CYFIP2: variants seen among roughly 807,000 people sequenced by gnomAD.
CYFIP2 encodes the protein cytoplasmic FMR1-interacting protein 2.
A neutral mutation model predicts 158.7 loss-of-function variants in CYFIP2; 29 were observed. The ratio of observed to expected loss-of-function variants is 0.18; its 90% confidence interval spans 0.14 to 0.25. The LOEUF is 0.25. Among genes scored for constraint, CYFIP2 ranks in the 10% least tolerant of loss-of-function variants. The pLI, the probability that CYFIP2 is intolerant of heterozygous loss-of-function variation, is 1.00. For synonymous variants in CYFIP2, 585 were observed against 617.6 expected (o/e 0.95, Z 0.78); for missense variants, 852 against 1,639.5 (o/e 0.52, Z 8.29).
At chr5:157,389,052 G>C in intron 28 of CYFIP2, 137 bp from the exon 29 acceptor site, 1 of 706,068 alleles carries the variant, frequency 1.4e-6, no homozygotes. Flanking sequence ...TCAATTTTGT[G>C]CCCTGCTCTG....
chr5:157,284,848 G>A (rs946102473), intron 1 of CYFIP2, among the ~76,000 whole-genome samples: 4 of 152,126 alleles, frequency 2.6e-5, no homozygotes, highest in Non-Finnish European at 5.9e-5. Context: ...CTAAAAACCC[G>A]GGCTCTGGTT....
intron 13 of CYFIP2, among the ~76,000 whole-genome samples, chr5:157,316,120 AT>A (rs1266460704): frequency 6.6e-6 from 1 of 152,146 alleles, no homozygotes; most frequent in Non-Finnish European, 1.5e-5. Context: ...AAGTAAAAAA[AT>A]ATACCTACAT....
In CYFIP2 at chr5:157,314,955, C is replaced by T. The variant is rs1005320650; in HGVS notation, c.1231-14C>T. 6.4e-6 allele frequency: 10 copies of T among 1,555,208 alleles called. No homozygotes were observed. The highest frequency in any genetic ancestry group is 7.8e-6 in the Non-Finnish European group (9 of 1,148,316). On this transcript the variant is annotated splice_polypyrimidine_tract_variant and intron_variant, in intron 12 of 30. Coordinates refer to ENST00000620254, the MANE Select transcript of CYFIP2 (RefSeq NM_001037333.3). ...TCAGTTGATGGACGTTTGGTTTGTTCCCACTCTCCCCAGTACTCTTGGAAG... is the reference window on the plus strand; with the variant it reads ...TCAGTTGATGGACGTTTGGTTTGTTTCCACTCTCCCCAGTACTCTTGGAAG...
chr5:157,309,412 A>T (rs1561713208), intron 9 of CYFIP2, among the ~76,000 whole-genome samples: 1 of 152,226 alleles, frequency 6.6e-6, no homozygotes, highest in Non-Finnish European at 1.5e-5. Flanking sequence ...GCCAGGGAAG[A>T]TTCGAGTGGA....
At chr5:157,312,455 T>C (rs1759813192) in intron 11 of CYFIP2, among the ~76,000 whole-genome samples, 1 of 152,086 alleles carries the variant, frequency 6.6e-6, no homozygotes, top group African/African-American at 2.4e-5. Flanking sequence ...TTTGGATATA[T>C]ATATATCCTT....
Position 157,361,716 on chromosome 5 carries a change from C to CT in CYFIP2, c.3039+122dup, listed in dbSNP as rs2113368101. 2.4e-6 allele frequency: 3 copies of CT among 1,257,972 alleles called. No individual in the cohort carries two copies. In the East Asian group the frequency reaches 7.5e-5, roughly 32 times the overall value. The allele number at this position is 1,257,972 out of a possible 1,614,324, so 77.9% of individuals were successfully genotyped here. On this transcript the variant is annotated intron_variant, in intron 26 of 30. Transcript: ENST00000620254. The surrounding 1 kb of genome is among the most constrained non-coding windows in gnomAD (Gnocchi z 4.4). ...TGCTTTGAGTACAAGCTCACATGCT[C>CT]TTTTCAGTTCATTTCCAGACAGACA...
chr5:157,329,964 A>G (rs756039192), intron 19 of CYFIP2, among the ~76,000 whole-genome samples: 5 of 152,228 alleles, frequency 3.3e-5, no homozygotes, highest in Non-Finnish European at 7.3e-5. Flanking sequence ...ATTTTGCACC[A>G]TGCTCTCCAA....
chr5:157,287,054 AT>A lies in CYFIP2; in HGVS notation c.156del (p.Phe52LeufsTer18). ...ACACAAACTTTGAGGACAGGAATGC[AT>A]TTGTCACGGGCATTGCAAGGTACAT... ...FDTNFEDRNA[F>X]VTGIARYIEQ... On this transcript the variant is annotated frameshift_variant, in exon 3 of 31. Transcript: ENST00000620254. LOFTEE classifies it high-confidence loss of function. 1 of 1,613,506 alleles carries A rather than the reference AT, an allele frequency of 6.2e-7. No individual in the cohort carries two copies. Among genetic ancestry groups the A allele is most frequent in the Non-Finnish European group, 8.5e-7 (1 of 1,179,572 alleles).
At chr5:157,310,321 C>G (rs766542544) in intron 10 of CYFIP2, among the ~76,000 whole-genome samples, 13 of 152,210 alleles carry the variant, frequency 8.5e-5, no homozygotes, top group Middle Eastern at 3.2e-3. Context: ...CAGTGCTTCA[C>G]TGAAGTTGGG....
At chr5:157,380,569 G>A (rs2113499486) in intron 26 of CYFIP2, among the ~76,000 whole-genome samples, 1 of 152,260 alleles carries the variant, frequency 6.6e-6, no homozygotes, top group African/African-American at 2.4e-5. Flanking sequence ...ATCTTTTGAG[G>A]TCAACATTAC....
intron 26 of CYFIP2, chr5:157,376,850 G>A (rs1053806284): frequency 2.2e-5 from 10 of 456,098 alleles, no homozygotes; most frequent in Non-Finnish European, 4.4e-5. Flanking sequence ...GCAGGGCCTA[G>A]GCCTCACATC....
At chr5:157,374,239 C>T (rs928407632) in intron 26 of CYFIP2, among the ~76,000 whole-genome samples, 7 of 152,178 alleles carry the variant, frequency 4.6e-5, no homozygotes, top group African/African-American at 1.7e-4. Flanking sequence ...GAGGTGACCC[C>T]AGGGCCATCA....
intron 21 of CYFIP2, among the ~76,000 whole-genome samples, chr5:157,336,073 A>G (rs937842673): frequency 6.6e-6 from 1 of 152,150 alleles, no homozygotes; most frequent in African/African-American, 2.4e-5. Context: ...ATGGGTCTGG[A>G]TGGCCCCTGC....
intron 23 of CYFIP2, among the ~76,000 whole-genome samples, chr5:157,349,321 C>T (rs1257683378): frequency 6.6e-6 from 1 of 152,092 alleles, no homozygotes; most frequent in East Asian, 1.9e-4. Flanking sequence ...ATTCTTAATG[C>T]CTTTCTGTCC....
intron 20 of CYFIP2, among the ~76,000 whole-genome samples, chr5:157,332,413 A>G (rs907108276): frequency 6.6e-6 from 1 of 152,172 alleles, no homozygotes; most frequent in Non-Finnish European, 1.5e-5. Context: ...GTTCTTAACT[A>G]TTTGAGAGTT....
In CYFIP2 at chr5:157,368,890, T is replaced by TG. The variant is rs1463378288; in HGVS notation, c.3039+7292_3039+7293insG. Among the ~76,000 whole-genome samples, 3 of 67,216 alleles carry TG rather than the reference T, an allele frequency of 4.5e-5. No individual in the cohort carries two copies. The East Asian group carries it at 7.5e-4, about 17-fold the overall frequency. The allele number at this position is 67,216 out of a possible 152,430, so 44.1% of individuals were successfully genotyped here. A position where few individuals can be genotyped will look rare whatever the true frequency, so the allele number is the denominator to read the frequency against. ...GGTGGGCAAGATGATCCCAGAGGTT[T>TG]TTTGTTTTTTTGTTTTTTTTTTTTT... On this transcript the variant is annotated intron_variant, in intron 26 of 30. Transcript: ENST00000620254.
chr5:157,329,529 G>T (rs1196426603), intron 19 of CYFIP2, among the ~76,000 whole-genome samples: 3 of 152,200 alleles, frequency 2.0e-5, no homozygotes, highest in Admixed American at 6.5e-5. Context: ...CATTCAAAAT[G>T]CCATGTGGCC....
intron 14 of CYFIP2, 102 bp from the exon 15 acceptor site, chr5:157,320,553 A>G: frequency 6.8e-7 from 1 of 1,462,698 alleles, no homozygotes; most frequent in Non-Finnish European, 9.3e-7. Context: ...AAGAATTCAA[A>G]TGTGGGTGTT....
intron 21 of CYFIP2, among the ~76,000 whole-genome samples, chr5:157,336,073 A>T (rs937842673): frequency 6.6e-6 from 1 of 152,150 alleles, no homozygotes; most frequent in East Asian, 1.9e-4. Context: ...ATGGGTCTGG[A>T]TGGCCCCTGC....
Sources: gnomAD v4.1 joint callset for allele counts (sites outside exome capture counted in the v4.1 genomes callset) on GRCh38, gnomAD v4.1.1 for gene constraint, Gnocchi (gnomAD v3.1) non-coding constraint, MANE v1.5 for transcripts, NCBI Gene and HGNC (gene_info 2026-07-23, HGNC 2026-07-21) for gene names.